Variants in RRP12 observed in about 807,000 individuals in gnomAD.
The protein encoded by RRP12 is RRP12-like protein.
A neutral mutation model predicts 157.3 loss-of-function variants in RRP12; 78 were observed. That is an observed-to-expected ratio of 0.50 (90% CI 0.41 to 0.60). The LOEUF is 0.60. RRP12 is among the 20% of genes least tolerant of loss of function. The pLI, the probability that RRP12 is intolerant of heterozygous loss-of-function variation, is 0.00. For missense variants in RRP12, 1,521 were observed against 1,679.9 expected (o/e 0.91, Z 1.65); for synonymous variants, 726 against 670.9 (o/e 1.08, Z -1.27).
Position 97,357,876 on chromosome 10 carries a change from G to A in RRP12, c.3791+661C>T, listed in dbSNP as rs545703167. On this transcript the variant is annotated intron_variant, in intron 33 of 33. Transcript: ENST00000370992. ...CCGGAGGCTGAGGCAGGAGTATGGC[G>A]TGAACCCGGGAGGCAGAGCTTGCAG... is the stretch of plus-strand genomic sequence containing the variant. Among the ~76,000 whole-genome samples, 7 of 151,222 alleles carry A rather than the reference G, an allele frequency of 4.6e-5. No individual in the cohort carries two copies. In the East Asian group the frequency reaches 7.8e-4, roughly 17 times the overall value.
At chr10:97,395,220 A>G (rs1589441607) in intron 3 of RRP12, among the ~76,000 whole-genome samples, 1 of 151,728 alleles carries the variant, frequency 6.6e-6, no homozygotes, top group East Asian at 1.9e-4. Context: ...ACACACACAC[A>G]CACATACATA....
intron 3 of RRP12, among the ~76,000 whole-genome samples, chr10:97,394,049 C>T (rs548980825): frequency 6.6e-6 from 1 of 152,242 alleles, no homozygotes; most frequent in Admixed American, 6.5e-5. Flanking sequence ...ATAATTAAAA[C>T]TATATATATG....
At chr10:97,378,694 T>TAAAAATACAAA (rs901778717) in intron 15 of RRP12, among the ~76,000 whole-genome samples, 13 of 151,972 alleles carry the variant, frequency 8.6e-5, no homozygotes, top group African/African-American at 3.1e-4. Flanking sequence ...CTGTCGCTAC[T>TAAAAATACAAA]AAAAATACAA....
At chr10:97,401,046 T>C (rs1195393990) in intron 1 of RRP12, 47 bp downstream of exon 1, 2 of 1,601,000 alleles carry the variant, frequency 1.2e-6, no homozygotes, top group South Asian at 2.2e-5. Flanking sequence ...GACCCAGGTC[T>C]GCCTGGAACC....
chr10:97,383,236 AGTG>A (rs1382813442), intron 10 of RRP12, among the ~76,000 whole-genome samples: 4 of 152,196 alleles, frequency 2.6e-5, no homozygotes, highest in African/African-American at 7.2e-5. Context: ...AAGCATGAGA[AGTG>A]GTGAATGGGG....
At chr10:97,371,670 G>T in intron 20 of RRP12, 1 of 195,758 alleles carries the variant, frequency 5.1e-6, no homozygotes, top group East Asian at 1.2e-4. Flanking sequence ...TCAAGCTGAG[G>T]ACCCAAACCC....
At chr10:97,374,416 C>G (rs535696776) in intron 15 of RRP12, among the ~76,000 whole-genome samples, 1 of 152,036 alleles carries the variant, frequency 6.6e-6, no homozygotes, top group African/African-American at 2.4e-5. Flanking sequence ...TGTGCCTCGG[C>G]CTCCCAAAGT....
chr10:97,385,326 C>T, intron 9 of RRP12, 69 bp from the exon 10 acceptor site: 1 of 1,185,854 alleles, frequency 8.4e-7, no homozygotes, highest in South Asian at 1.3e-5. Flanking sequence ...ATGACCCCTT[C>T]CCATCCTGGC....
At chr10:97,395,805 C>T (rs1844945439) in intron 3 of RRP12, among the ~76,000 whole-genome samples, 1 of 148,654 alleles carries the variant, frequency 6.7e-6, no homozygotes, top group Non-Finnish European at 1.5e-5. Context: ...AAGTTGAGAA[C>T]ATGCCATTGC....
At chr10:97,383,202 C>T (rs1421224591) in intron 10 of RRP12, among the ~76,000 whole-genome samples, 2 of 152,196 alleles carry the variant, frequency 1.3e-5, no homozygotes, top group East Asian at 3.8e-4. Flanking sequence ...TGGGGCCTAA[C>T]TGTGGGTGTG....
rs751363250 is a variant in RRP12, at chr10:97,373,640, C to T, written c.1961G>A (p.Arg654His). ...GCACACGGTGACCCTCAGGTCTGGA[C>T]GCTCGCTGATGGCCATGCCCAGCGT... ...ARTLGMAISE[R>H]PDLRVTVCQA... The change falls in exon 17 of 34, where the codon CGT becomes CAT. Residue 654 changes from arginine to histidine, a missense_variant. By Grantham distance (29) the Arg-to-His change is conservative (BLOSUM62 0). Transcript: ENST00000370992. 70 of 1,613,534 alleles carry T rather than the reference C, an allele frequency of 4.3e-5. No individual in the cohort carries two copies. Among genetic ancestry groups the T allele is most frequent in the Middle Eastern group, 1.7e-4 (1 of 5,988 alleles).
intron 30 of RRP12, among the ~76,000 whole-genome samples, chr10:97,363,150 C>A (rs1843886522): frequency 6.6e-6 from 1 of 152,146 alleles, no homozygotes; most frequent in Admixed American, 6.6e-5. Context: ...CCCAGGAAGG[C>A]TGGATGGGCT....
intron 2 of RRP12, among the ~76,000 whole-genome samples, chr10:97,397,088 T>C (rs546002603): frequency 4.6e-5 from 7 of 152,084 alleles, no homozygotes; most frequent in African/African-American, 1.7e-4. Flanking sequence ...AAATCATCTC[T>C]AGATTACTGG....
At chr10:97,360,486 C>T in intron 31 of RRP12, 60 bp downstream of exon 31, 2 of 1,375,560 alleles carry the variant, frequency 1.5e-6, no homozygotes, top group South Asian at 2.3e-5. Context: ...CTGTGACTCC[C>T]CTCCCTAATG....
At chr10:97,361,368 C>A (rs1049073678) in intron 30 of RRP12, among the ~76,000 whole-genome samples, 1 of 152,206 alleles carries the variant, frequency 6.6e-6, no homozygotes, top group Non-Finnish European at 1.5e-5. Context: ...CAGGCAGAGG[C>A]GTGCTGTGCA....
At chr10:97,381,335 CT>C in intron 12 of RRP12, 50 bp downstream of exon 12, 1 of 1,373,088 alleles carries the variant, frequency 7.3e-7, no homozygotes, top group Non-Finnish European at 1.0e-6. Flanking sequence ...TTATATAGAA[CT>C]TTCCTCAAGG....
At chr10:97,359,087 T>G in intron 31 of RRP12, 77 bp from the exon 32 acceptor site, 1 of 1,099,926 alleles carries the variant, frequency 9.1e-7, no homozygotes, top group Non-Finnish European at 1.4e-6. Context: ...GCACCCTCTC[T>G]GAGAGAGCTG....
chr10:97,395,778 G>A (rs143591833), intron 3 of RRP12, among the ~76,000 whole-genome samples: 2 of 151,538 alleles, frequency 1.3e-5, no homozygotes, highest in African/African-American at 4.8e-5. Flanking sequence ...ATGAACCCAG[G>A]AGGCAGAGGT....
intron 10 of RRP12, among the ~76,000 whole-genome samples, chr10:97,382,319 A>AT (rs1844494806): frequency 6.6e-6 from 1 of 151,660 alleles, no homozygotes; most frequent in African/African-American, 2.4e-5. Context: ...TAATCTTTTT[A>AT]TTTTTTGTAG....
Sources: gnomAD v4.1 joint callset for allele counts (sites outside exome capture counted in the v4.1 genomes callset) on GRCh38, gnomAD v4.1.1 for gene constraint, MANE v1.5 for transcripts, NCBI Gene and HGNC (gene_info 2026-07-23, HGNC 2026-07-21) for gene names.